RNF19A: variants seen among roughly 807,000 people sequenced by gnomAD.
RNF19A encodes E3 ubiquitin-protein ligase RNF19A.
A neutral mutation model predicts 75.7 loss-of-function variants in RNF19A; 32 were observed. The observed-to-expected ratio is 0.42, with a 90% CI of 0.32 to 0.57. The LOEUF (loss-of-function observed/expected upper bound fraction) is 0.57, where lower values mean the gene tolerates loss of function less well. Ranked by LOEUF, RNF19A falls within the 20% of genes least tolerant of loss-of-function variation. The pLI is 0.10. For synonymous variants in RNF19A, 335 were observed against 345.2 expected (o/e 0.97, Z 0.33); for missense variants, 782 against 1,036.3 (o/e 0.75, Z 3.37).
rs549859602 is a variant in RNF19A, at chr8:100,292,301, A to C, written c.-93-4034T>G. On this transcript the variant is annotated intron_variant, in intron 1 of 9. Transcript: ENST00000341084. ...TTGCTTTGATAGCAAAGATATTTTTAGTATTGTCTCACTACAAGTCATTTA... is the reference window on the plus strand; with the variant it reads ...TTGCTTTGATAGCAAAGATATTTTTCGTATTGTCTCACTACAAGTCATTTA... 2.0e-5 allele frequency among the ~76,000 whole-genome samples: 3 copies of C among 152,176 alleles called. No homozygotes were observed. In the East Asian group the frequency reaches 5.8e-4, roughly 29 times the overall value.
chr8:100,335,122 C>G (rs1368452245), intron 1 of RNF19A, among the ~76,000 whole-genome samples: 2 of 152,132 alleles, frequency 1.3e-5, no homozygotes, highest in African/African-American at 4.8e-5. Context: ...ATAGGAAAAC[C>G]TCAACTATTA....
Position 100,331,430 on chromosome 8 carries a change from G to A in RNF19A, c.-243+4678C>T, listed in dbSNP as rs1270011444. 6.6e-6 allele frequency among the ~76,000 whole-genome samples: 1 copy of A among 151,990 alleles called. No individual in the cohort carries two copies. The highest frequency in any genetic ancestry group is 2.4e-5 in the African/African-American group (1 of 41,340). On this transcript the variant is annotated intron_variant, in intron 1 of 3. Coordinates refer to the RNF19A transcript ENST00000519527. This position sits in a 1 kb window ranked among gnomAD's most constrained non-coding sequence, Gnocchi z 5.2. ...GTGGGAGGACTGCTTGAGCCCAGGAGTTTGGGACCAGCCTGGACAACATGG... is the reference window on the plus strand; with the variant it reads ...GTGGGAGGACTGCTTGAGCCCAGGAATTTGGGACCAGCCTGGACAACATGG...
chr8:100,277,265 A>G (rs1325875727), intron 2 of RNF19A, among the ~76,000 whole-genome samples: 1 of 152,188 alleles, frequency 6.6e-6, no homozygotes, highest in Non-Finnish European at 1.5e-5. Context: ...GCAGGATTTT[A>G]AGAGTCAGGG....
At position 100,257,893 on chromosome 8, in the gene RNF19A, A is replaced by G. The variant is rs970097975; in HGVS notation, c.*663T>C. ...CATATGCTTAATTACTTACCTTTAC[A>G]TTTTTTCCTCTAAGATGGCATCAAC... On this transcript the variant is annotated 3_prime_UTR_variant, in exon 10 of 10. Coordinates refer to ENST00000341084, the MANE Select transcript of RNF19A (RefSeq NM_183419.4). The G allele has an allele frequency of 5.0e-6, 2 of 397,324 alleles. No individual in the cohort carries two copies. Among genetic ancestry groups the G allele is most frequent in the African/African-American group, 4.1e-5 (2 of 48,464 alleles). 24.6% of individuals were successfully genotyped at this position (397,324 alleles called of 1,614,324 possible).
chr8:100,314,161 C>T (rs1822340783), upstream of RNF19A, among the ~76,000 whole-genome samples: 1 of 151,338 alleles, frequency 6.6e-6, no homozygotes, highest in South Asian at 2.1e-4. The surrounding 1 kb of genome is among the most constrained non-coding windows in gnomAD (Gnocchi z 4.1). Flanking sequence ...GGATTGCAGG[C>T]ATGAGCCACG....
At position 100,331,292 on chromosome 8, in the gene RNF19A, T is replaced by C. The variant is rs1404876856; in HGVS notation, c.-243+4816A>G. 6.6e-6 allele frequency among the ~76,000 whole-genome samples: 1 copy of C among 152,200 alleles called. No homozygotes were observed. The highest frequency in any genetic ancestry group is 2.4e-5 in the African/African-American group (1 of 41,454). On this transcript the variant is annotated intron_variant, in intron 1 of 3. Coordinates refer to the RNF19A transcript ENST00000519527. This position sits in a 1 kb window ranked among gnomAD's most constrained non-coding sequence, Gnocchi z 5.2. Reference sequence around the variant, plus strand: ...ATAATGTAGAAAAGCCATCGTCCTCTTGAGATATTCCCATTGCAACTCCTT... The same window carrying C: ...ATAATGTAGAAAAGCCATCGTCCTCCTGAGATATTCCCATTGCAACTCCTT...
At chr8:100,276,670 T>C in intron 2 of RNF19A, among the ~76,000 whole-genome samples, 1 of 147,470 alleles carries the variant, frequency 6.8e-6, no homozygotes, top group South Asian at 2.1e-4. Flanking sequence ...CAGAACTGCT[T>C]GAACTTGGGA....
At chr8:100,314,631 C>T (rs1168673263), upstream of RNF19A, among the ~76,000 whole-genome samples, 1 of 152,144 alleles carries the variant, frequency 6.6e-6, no homozygotes, top group Non-Finnish European at 1.5e-5. This position sits in a 1 kb window ranked among gnomAD's most constrained non-coding sequence, Gnocchi z 4.1. Flanking sequence ...CTTTCTTTCT[C>T]TTTGTAGGTA....
At chr8:100,272,328 G>A (rs563513208) in intron 3 of RNF19A, among the ~76,000 whole-genome samples, 2 of 151,776 alleles carry the variant, frequency 1.3e-5, no homozygotes, top group South Asian at 2.1e-4. Flanking sequence ...AAATATTAAT[G>A]TACTTTATGT....
chr8:100,314,715 A>G (rs1822348369), upstream of RNF19A, among the ~76,000 whole-genome samples: 1 of 151,682 alleles, frequency 6.6e-6, no homozygotes, highest in Admixed American at 6.6e-5. The surrounding 1 kb of genome is among the most constrained non-coding windows in gnomAD (Gnocchi z 4.1). Context: ...ATTTCTATCA[A>G]CTCTCACTGG....
intron 1 of RNF19A, among the ~76,000 whole-genome samples, chr8:100,306,874 T>A (rs571412180): frequency 1.3e-5 from 2 of 152,250 alleles, no homozygotes; most frequent in East Asian, 1.9e-4. Flanking sequence ...AGAAAAAAAA[T>A]TCCTAAGTAA....
intron 1 of RNF19A, among the ~76,000 whole-genome samples, chr8:100,298,657 C>G (rs1003154233): frequency 1.3e-5 from 2 of 152,154 alleles, no homozygotes; most frequent in South Asian, 2.1e-4. Flanking sequence ...TTCACAAACA[C>G]GCACCTGCCA....
chr8:100,275,322 G>A lies in RNF19A; in HGVS notation c.675-161C>T, dbSNP rs982472573. 2.6e-5 allele frequency among the ~76,000 whole-genome samples: 4 copies of A among 151,646 alleles called. No homozygotes were observed. The highest frequency in any genetic ancestry group is 2.6e-4 in the Admixed American group (4 of 15,224). ...CACCAATATAAAAATGGGGGAAAAT[G>A]AAGTTTACAAATGAAGATATATAAA... On this transcript the variant is annotated intron_variant, in intron 2 of 9. Transcript: ENST00000341084. This position sits in a 1 kb window ranked among gnomAD's most constrained non-coding sequence, Gnocchi z 4.3.
At chr8:100,270,364 A>G (rs1432699314) in intron 3 of RNF19A, among the ~76,000 whole-genome samples, 7 of 152,106 alleles carry the variant, frequency 4.6e-5, no homozygotes, top group African/African-American at 1.4e-4. Flanking sequence ...TCTGAATGGT[A>G]GTTCCCGGTT....
chr8:100,258,416 G>A lies in RNF19A; in HGVS notation c.*140C>T. On this transcript the variant is annotated 3_prime_UTR_variant, in exon 10 of 10. Transcript: ENST00000341084. This position sits in a 1 kb window ranked among gnomAD's most constrained non-coding sequence, Gnocchi z 4.3. ...AGATCCACATGACACACAATGCCTT[G>A]CTGAACACAGAAAATGTATCTGCAT... is the stretch of plus-strand genomic sequence containing the variant. 3.0e-6 allele frequency: 2 copies of A among 666,010 alleles called. No individual in the cohort carries two copies. Among genetic ancestry groups the A allele is most frequent in the South Asian group, 4.0e-5 (2 of 49,724 alleles). The allele number at this position is 666,010 out of a possible 1,614,324, so 41.3% of individuals were successfully genotyped here.
intron 2 of RNF19A, among the ~76,000 whole-genome samples, chr8:100,282,189 T>C (rs1389357785): frequency 6.6e-6 from 1 of 152,188 alleles, no homozygotes; most frequent in Non-Finnish European, 1.5e-5. Flanking sequence ...TGTCATACAT[T>C]AACATGGTTT....
At chr8:100,271,442 G>T (rs1003674897) in intron 3 of RNF19A, among the ~76,000 whole-genome samples, 2 of 152,196 alleles carry the variant, frequency 1.3e-5, no homozygotes, top group African/African-American at 4.8e-5. Context: ...AATCCTATCT[G>T]CGTAAGCAGC....
In RNF19A at chr8:100,264,852, A is replaced by G. The variant is rs763228121; in HGVS notation, c.1192-67T>C. On this transcript the variant is annotated intron_variant, in intron 5 of 9. Coordinates refer to ENST00000341084, the MANE Select transcript of RNF19A (RefSeq NM_183419.4). The surrounding 1 kb of genome is among the most constrained non-coding windows in gnomAD (Gnocchi z 4.7). ...TACATTACAATTTAACTTAGTTGAA[A>G]AAGATCTATACTTGCTAAAGTGATT... 4.4e-4 allele frequency: 521 copies of G among 1,189,736 alleles called. No homozygotes were observed. The highest frequency in any genetic ancestry group is 5.8e-4 in the Non-Finnish European group (464 of 801,648). 73.7% of individuals were successfully genotyped at this position (1,189,736 alleles called of 1,614,324 possible).
In RNF19A at chr8:100,269,811, T is replaced by C; in HGVS notation, c.1028+58A>G. On this transcript the variant is annotated intron_variant, in intron 4 of 9. Transcript: ENST00000341084. This position sits in a 1 kb window ranked among gnomAD's most constrained non-coding sequence, Gnocchi z 5.7. ...TAAAACCCAAATTTAAGACAAGTTATTTTGTCTTACAATATAAAATTACAT... is the reference window on the plus strand; with the variant it reads ...TAAAACCCAAATTTAAGACAAGTTACTTTGTCTTACAATATAAAATTACAT... 1 of 1,334,578 alleles carries C rather than the reference T, an allele frequency of 7.5e-7. No individual in the cohort carries two copies. Among genetic ancestry groups the C allele is most frequent in the Non-Finnish European group, 9.9e-7 (1 of 1,005,098 alleles). The allele number at this position is 1,334,578 out of a possible 1,614,324, so 82.7% of individuals were successfully genotyped here. A position where few individuals can be genotyped will look rare whatever the true frequency, so the allele number is the denominator to read the frequency against.
Sources: gnomAD v4.1 joint callset for allele counts (sites outside exome capture counted in the v4.1 genomes callset) on GRCh38, gnomAD v4.1.1 for gene constraint, Gnocchi (gnomAD v3.1) non-coding constraint, MANE v1.5 for transcripts, NCBI Gene and HGNC (gene_info 2026-07-23, HGNC 2026-07-21) for gene names.